Variants in GLIS3 observed in about 807,000 individuals in gnomAD.
GLIS3 encodes the protein GLIS family zinc finger 3.
In GLIS3, 53 loss-of-function variants were observed where a neutral mutation model predicts 78.6. That is an observed-to-expected ratio of 0.67 (90% confidence interval 0.54 to 0.85). The LOEUF is 0.85. GLIS3 is among the 40% of genes least tolerant of loss of function. The probability of loss-of-function intolerance (pLI) is 0.00; values close to 1 mark genes in which losing one functional copy is unlikely to be tolerated. For synonymous variants in GLIS3, 684 were observed against 509.9 expected (o/e 1.34, Z -4.60); for missense variants, 1,703 against 1,231.1 (o/e 1.38, Z -5.74).
intron 9 of GLIS3, among the ~76,000 whole-genome samples, chr9:3,846,542 T>A (rs1165881063): frequency 1.3e-5 from 2 of 152,220 alleles, no homozygotes; most frequent in African/African-American, 4.8e-5. Context: ...TATCATCTAT[T>A]AAACTTGAGA....
At chr9:4,487,295 C>G in the GLIS3 span, among the ~76,000 whole-genome samples, 1 of 152,046 alleles carries the variant, frequency 6.6e-6, no homozygotes, top group Non-Finnish European at 1.5e-5. Flanking sequence ...AGATGCCTGT[C>G]CAGGTTGACT....
At chr9:4,167,840 T>C (rs1816007961) in intron 2 of GLIS3, among the ~76,000 whole-genome samples, 1 of 152,202 alleles carries the variant, frequency 6.6e-6, no homozygotes, top group African/African-American at 2.4e-5. Context: ...TTCCGGGTCC[T>C]CTTTGTGAGT....
At chr9:4,033,138 C>A (rs1823994710) in intron 4 of GLIS3, among the ~76,000 whole-genome samples, 1 of 152,126 alleles carries the variant, frequency 6.6e-6, no homozygotes, top group East Asian at 1.9e-4. Context: ...CAGGTGTGAG[C>A]CACCACACCT....
chr9:4,017,788 AACAATATTGAAGGACGGGC>A (rs1822557772), intron 4 of GLIS3, among the ~76,000 whole-genome samples: 1 of 152,212 alleles, frequency 6.6e-6, no homozygotes, highest in Non-Finnish European at 1.5e-5. Flanking sequence ...GTAGTTTTTC[AACAATATTGAAGGACGGGC>A]ACTAAGTCTC....
At chr9:4,035,633 T>C (rs1409413757) in intron 4 of GLIS3, among the ~76,000 whole-genome samples, 2 of 152,070 alleles carry the variant, frequency 1.3e-5, no homozygotes, top group Non-Finnish European at 2.9e-5. Flanking sequence ...CTTGTTTCTG[T>C]TATACATCTC....
At chr9:3,971,733 C>A (rs1818396813) in intron 4 of GLIS3, among the ~76,000 whole-genome samples, 1 of 152,142 alleles carries the variant, frequency 6.6e-6, no homozygotes, top group Non-Finnish European at 1.5e-5. Flanking sequence ...AATAATAGTT[C>A]TTTGAAAAGC....
At chr9:3,915,981 A>C (rs1824485049) in intron 6 of GLIS3, among the ~76,000 whole-genome samples, 1 of 152,256 alleles carries the variant, frequency 6.6e-6, no homozygotes, top group African/African-American at 2.4e-5. Context: ...CTTAAAAGAA[A>C]GAAAATCAGA....
chr9:4,430,975 T>C, the GLIS3 span, among the ~76,000 whole-genome samples: 30,714 of 151,442 alleles, frequency 0.2, 3,503 homozygotes, highest in Middle Eastern at 0.28. Context: ...TCAGTTCCTC[T>C]AACTCTGGAA....
intron 1 of GLIS3, among the ~76,000 whole-genome samples, chr9:4,294,946 T>C (rs895614185): frequency 1.3e-5 from 2 of 152,172 alleles, no homozygotes; most frequent in Admixed American, 6.5e-5. Flanking sequence ...ATAAATACAA[T>C]ATAAGTGAGG....
At chr9:4,266,320 T>A (rs1374854763) in intron 2 of GLIS3, among the ~76,000 whole-genome samples, 4 of 152,102 alleles carry the variant, frequency 2.6e-5, no homozygotes, top group African/African-American at 9.7e-5. Flanking sequence ...AGTATCTGAC[T>A]ATGCAGGATG....
intron 2 of GLIS3, among the ~76,000 whole-genome samples, chr9:4,175,807 G>A (rs540368884): frequency 6.6e-6 from 1 of 152,102 alleles, no homozygotes. Flanking sequence ...ACTGTATTAG[G>A]CATATTACAT....
chr9:4,255,290 G>A (rs1824817949), intron 2 of GLIS3, among the ~76,000 whole-genome samples: 1 of 152,164 alleles, frequency 6.6e-6, no homozygotes, highest in Non-Finnish European at 1.5e-5. Flanking sequence ...AGCTACTTTG[G>A]AAGACAGTAT....
the GLIS3 span, among the ~76,000 whole-genome samples, chr9:4,378,678 G>C: frequency 6.6e-6 from 1 of 152,156 alleles, no homozygotes; most frequent in Admixed American, 6.5e-5. Context: ...TCCTAATATG[G>C]ACTATGTAGA....
intron 4 of GLIS3, among the ~76,000 whole-genome samples, chr9:3,992,582 T>C (rs1473753345): frequency 1.3e-5 from 2 of 152,214 alleles, no homozygotes; most frequent in Non-Finnish European, 2.9e-5. Context: ...TGAACAACTG[T>C]ATTTATTTCC....
At chr9:4,136,566 G>T (rs1373134265) in intron 2 of GLIS3, among the ~76,000 whole-genome samples, 1 of 152,166 alleles carries the variant, frequency 6.6e-6, no homozygotes, top group Non-Finnish European at 1.5e-5. Context: ...TGTTTAGGGA[G>T]GTTTTTCCCA....
At chr9:4,307,413 T>C (rs981333824) in intron 4 of GLIS3, among the ~76,000 whole-genome samples, 1 of 152,292 alleles carries the variant, frequency 6.6e-6, no homozygotes. Flanking sequence ...AAAGCCTGCT[T>C]TGCAAACCCT....
At chr9:4,303,939 A>C (rs890304679), upstream of GLIS3, among the ~76,000 whole-genome samples, 1 of 152,246 alleles carries the variant, frequency 6.6e-6, no homozygotes, top group Non-Finnish European at 1.5e-5. Context: ...TTGTAAAATT[A>C]ATTATCTAAT....
At chr9:4,428,254 G>A in the GLIS3 span, among the ~76,000 whole-genome samples, 12 of 151,990 alleles carry the variant, frequency 7.9e-5, no homozygotes, top group Admixed American at 2.6e-4. Context: ...TGAGGCGGGC[G>A]GATCACTTGA....
chr9:4,352,438 G>A (rs1262806866), upstream of GLIS3, among the ~76,000 whole-genome samples: 1 of 152,254 alleles, frequency 6.6e-6, no homozygotes, highest in African/African-American at 2.4e-5. Flanking sequence ...TGGGGACATA[G>A]AAATACAGAG....
Sources: allele counts gnomAD v4.1 joint callset (sites outside exome capture counted in the v4.1 genomes callset), GRCh38; gene constraint gnomAD v4.1.1; transcripts MANE v1.5; gene names NCBI Gene and HGNC (gene_info 2026-07-23, HGNC 2026-07-21).